TANC2: variants seen among roughly 807,000 people sequenced by gnomAD.
TANC2 encodes the protein protein TANC2.
Under a neutral mutation model 210.5 loss-of-function variants are expected in TANC2, and 26 were observed. The ratio of observed to expected loss-of-function variants is 0.12; its 90% confidence interval spans 0.09 to 0.17. TANC2 has a LOEUF of 0.17. Ranked by LOEUF, TANC2 falls within the 10% of genes least tolerant of loss-of-function variation. The pLI, the probability that TANC2 is intolerant of heterozygous loss-of-function variation, is 1.00. For synonymous variants in TANC2, 931 were observed against 967.1 expected (o/e 0.96, Z 0.69); for missense variants, 2,129 against 2,608.9 (o/e 0.82, Z 4.01).
chr17:63,068,881 G>A (rs1038500513), intron 2 of TANC2, among the ~76,000 whole-genome samples: 15 of 150,686 alleles, frequency 1.0e-4, no homozygotes, highest in South Asian at 4.2e-4. Flanking sequence ...TTACACTTAC[G>A]TAATATAAAC....
chr17:63,111,123 G>A (rs1303661405), intron 4 of TANC2, among the ~76,000 whole-genome samples: 3 of 151,992 alleles, frequency 2.0e-5, no homozygotes, highest in Non-Finnish European at 4.4e-5. Context: ...AATAGCCTGG[G>A]CAACATCTCA....
intron 4 of TANC2, among the ~76,000 whole-genome samples, chr17:63,128,052 A>C (rs1290596078): frequency 6.6e-6 from 1 of 152,186 alleles, no homozygotes; most frequent in Non-Finnish European, 1.5e-5. Flanking sequence ...TTATTATGAT[A>C]ATATAATTAA....
chr17:63,324,724 G>A (rs1455745798), intron 11 of TANC2, among the ~76,000 whole-genome samples: 2 of 152,056 alleles, frequency 1.3e-5, no homozygotes, highest in African/African-American at 4.8e-5. Context: ...CACTGAATAT[G>A]GGAAAACAGC....
intron 1 of TANC2, among the ~76,000 whole-genome samples, chr17:62,993,540 T>G (rs1598207181): frequency 6.6e-6 from 1 of 152,258 alleles, no homozygotes; most frequent in African/African-American, 2.4e-5. Context: ...TTTATACTTT[T>G]GTTAATAACA....
At chr17:63,413,727 T>C in intron 25 of TANC2, 93 bp downstream of exon 25, 1 of 1,191,552 alleles carries the variant, frequency 8.4e-7, no homozygotes, top group Non-Finnish European at 1.2e-6. Flanking sequence ...TCTCATCCTT[T>C]GCGTAGAGGC....
intron 14 of TANC2, among the ~76,000 whole-genome samples, chr17:63,379,236 A>G (rs1194937334): frequency 2.6e-5 from 4 of 152,192 alleles, no homozygotes; most frequent in Admixed American, 6.5e-5. Flanking sequence ...TGATTTGGAT[A>G]AGGAACTGCC....
intron 5 of TANC2, among the ~76,000 whole-genome samples, chr17:63,183,292 AT>A (rs890399808): frequency 1.3e-5 from 2 of 152,232 alleles, no homozygotes; most frequent in African/African-American, 2.4e-5. Flanking sequence ...AATAATTCCT[AT>A]TTTTTTCTGT....
At chr17:63,165,617 A>G (rs534491501) in intron 5 of TANC2, among the ~76,000 whole-genome samples, 37 of 152,304 alleles carry the variant, frequency 2.4e-4, no homozygotes, top group African/African-American at 8.2e-4. Context: ...ACATCATATT[A>G]TTTATTGTGC....
chr17:63,349,707 A>G (rs913731462), intron 12 of TANC2, among the ~76,000 whole-genome samples: 2 of 152,204 alleles, frequency 1.3e-5, no homozygotes, highest in Non-Finnish European at 2.9e-5. Context: ...GTGCTTAGCC[A>G]GGCAGAATGC....
At chr17:62,973,228 T>G (rs2031810731) in intron 1 of TANC2, among the ~76,000 whole-genome samples, 1 of 152,124 alleles carries the variant, frequency 6.6e-6, no homozygotes, top group Non-Finnish European at 1.5e-5. Context: ...GATGGGGTTT[T>G]GCCATGTTGG....
At chr17:63,214,531 A>T (rs1281468877) in intron 7 of TANC2, among the ~76,000 whole-genome samples, 1 of 152,196 alleles carries the variant, frequency 6.6e-6, no homozygotes, top group Non-Finnish European at 1.5e-5. Context: ...ACAGTTCTGG[A>T]GGCTGGGAAG....
chr17:63,319,597 C>T (rs1170497567), intron 11 of TANC2, among the ~76,000 whole-genome samples: 1 of 152,200 alleles, frequency 6.6e-6, no homozygotes, highest in African/African-American at 2.4e-5. Flanking sequence ...GTGATCCACC[C>T]GCCTCAGCCT....
intron 2 of TANC2, among the ~76,000 whole-genome samples, chr17:63,073,721 CCTA>C (rs1265769531): frequency 1.3e-5 from 2 of 152,084 alleles, no homozygotes; most frequent in African/African-American, 4.8e-5. Flanking sequence ...GGGAAAAACA[CCTA>C]CACTTTCTTA....
exon 28 of TANC2, chr17:63,426,604 C>G (rs760714379): frequency 6.6e-6 from 1 of 152,194 alleles, no homozygotes; most frequent in Non-Finnish European, 1.5e-5. Flanking sequence ...AAAGTCAGTA[C>G]CAAATGAACG....
intron 8 of TANC2, among the ~76,000 whole-genome samples, chr17:63,245,311 A>G (rs950007518): frequency 3.9e-5 from 6 of 152,216 alleles, no homozygotes; most frequent in African/African-American, 1.4e-4. Flanking sequence ...CATAAGATGC[A>G]TTTCAATGAA....
chr17:63,236,607 G>T (rs2042627911), intron 7 of TANC2, among the ~76,000 whole-genome samples: 1 of 151,972 alleles, frequency 6.6e-6, no homozygotes, highest in African/African-American at 2.4e-5. Context: ...CCCAAATAAT[G>T]TACATTGAAC....
At chr17:63,102,615 T>TC (rs1327651824) in intron 4 of TANC2, among the ~76,000 whole-genome samples, 2 of 147,320 alleles carry the variant, frequency 1.4e-5, no homozygotes, top group African/African-American at 5.0e-5. Flanking sequence ...ATGCTATCCC[T>TC]CCCCCCTCCT....
intron 5 of TANC2, among the ~76,000 whole-genome samples, chr17:63,159,151 A>G (rs2039939607): frequency 6.6e-6 from 1 of 152,192 alleles, no homozygotes; most frequent in African/African-American, 2.4e-5. Context: ...TCTCTTCATT[A>G]GAAGCCAGCC....
At chr17:63,209,223 G>A (rs2041812288) in intron 7 of TANC2, among the ~76,000 whole-genome samples, 1 of 151,802 alleles carries the variant, frequency 6.6e-6, no homozygotes, top group Non-Finnish European at 1.5e-5. Flanking sequence ...ATATTGCCGA[G>A]GCTGGTCTTG....
Sources: allele counts gnomAD v4.1 joint callset (sites outside exome capture counted in the v4.1 genomes callset), GRCh38; gene constraint gnomAD v4.1.1; transcripts MANE v1.5; gene names NCBI Gene and HGNC (gene_info 2026-07-23, HGNC 2026-07-21).